Variants in PLXNA1 observed in about 807,000 individuals in gnomAD.
PLXNA1 encodes the protein plexin-A1.
In PLXNA1, 77 loss-of-function variants were observed where a neutral mutation model predicts 191.7. The observed-to-expected ratio is 0.40, with a 90% CI of 0.33 to 0.49. The LOEUF (loss-of-function observed/expected upper bound fraction) is 0.49, where lower values mean the gene tolerates loss of function less well. Ranked by LOEUF, PLXNA1 falls within the 20% of genes least tolerant of loss-of-function variation. The pLI is 0.63. For missense variants in PLXNA1, 2,110 were observed against 2,660.2 expected (o/e 0.79, Z 4.55); for synonymous variants, 1,137 against 1,156.4 (o/e 0.98, Z 0.34).
chr3:127,005,099 C>A lies in PLXNA1; in HGVS notation c.1753C>A (p.Gln585Lys), dbSNP rs2079059575. 6.2e-7 allele frequency: 1 copy of A among 1,612,542 alleles called. No homozygotes were observed. The change falls in exon 7 of 32, where the codon CAG (glutamine) becomes AAG (lysine). Residue 585 changes from glutamine to lysine, a missense_variant. Transcript: ENST00000393409. ...CCTGCTGCCTGCCCAGCTTGTGCTG[C>A]AGGCCTGGAACGTGCCTGACCTCTC... The part of the protein sequence containing the change: ...VTMSQVPLVL[Q>K]AWNVPDLSAG...
chr3:127,020,438 G>C, intron 21 of PLXNA1, 94 bp downstream of exon 21: 1 of 1,464,270 alleles, frequency 6.8e-7, no homozygotes. Context: ...ATGGTATGGG[G>C]CAGCCTGTGT....
In PLXNA1 at chr3:127,028,359, G is replaced by A. The variant is rs573158849; in HGVS notation, c.4669+19G>A. ...GACCTGGGTGAGCGGGCGGGGCCACGGCTGCCCGGGGTGTGTGCTGGAGCA... is the reference window on the plus strand; with the variant it reads ...GACCTGGGTGAGCGGGCGGGGCCACAGCTGCCCGGGGTGTGTGCTGGAGCA... On this transcript the variant is annotated intron_variant, in intron 25 of 31. Coordinates refer to ENST00000393409, the MANE Select transcript of PLXNA1 (RefSeq NM_032242.4). 2.2e-4 allele frequency: 348 copies of A among 1,601,940 alleles called. 7 individuals are homozygous for A. In the South Asian group the frequency reaches 2.4e-3, roughly 11 times the overall value.
chr3:126,986,785 G>T (rs1416030906), intron 1 of PLXNA1, among the ~76,000 whole-genome samples: 1 of 152,190 alleles, frequency 6.6e-6, no homozygotes, highest in Admixed American at 6.5e-5. Context: ...ACAGAGGCCT[G>T]GGGGAGGGGC....
At chr3:126,985,214 G>A (rs1477115744) in intron 1 of PLXNA1, among the ~76,000 whole-genome samples, 1 of 152,096 alleles carries the variant, frequency 6.6e-6, no homozygotes, top group Non-Finnish European at 1.5e-5. Flanking sequence ...AAGGGAAGGG[G>A]ACACTGTTGG....
intron 23 of PLXNA1, among the ~76,000 whole-genome samples, chr3:127,024,318 C>A (rs911279631): frequency 1.4e-4 from 22 of 152,186 alleles, no homozygotes; most frequent in Non-Finnish European, 2.8e-4. Flanking sequence ...AGTGTGGCCC[C>A]ACAGGGTATT....
chr3:126,986,473 C>T lies in PLXNA1; in HGVS notation c.-73-2048C>T, dbSNP rs2078959651. 2.0e-5 allele frequency among the ~76,000 whole-genome samples: 3 copies of T among 152,196 alleles called. 1 individual carries two copies. The highest frequency in any genetic ancestry group is 4.4e-5 in the Non-Finnish European group (3 of 68,038). On this transcript the variant is annotated intron_variant, in intron 1 of 31. Transcript: ENST00000393409. ...GGGTGTGTGCTGTGCACACACTGGG[C>T]AGGGAGTGTGTGGGGAGTGAAACAG... is the stretch of plus-strand genomic sequence containing the variant.
intron 26 of PLXNA1, 118 bp from the exon 27 acceptor site, chr3:127,029,322 G>T: frequency 1.0e-6 from 1 of 963,556 alleles, no homozygotes; most frequent in South Asian, 1.4e-5. Context: ...GACTGAGTGA[G>T]GTGGCTGCCT....
Position 127,033,779 on chromosome 3 carries a change from G to A in PLXNA1, c.5596-143G>A, listed in dbSNP as rs145282616. 6,075 of 654,846 alleles carry A rather than the reference G, an allele frequency of 9.3e-3. 50 individuals are homozygous for A. Among genetic ancestry groups the A allele is most frequent in the Non-Finnish European group, 0.011 (4,193 of 371,810 alleles). 40.6% of individuals were successfully genotyped at this position (654,846 alleles called of 1,614,324 possible). A position where few individuals can be genotyped will look rare whatever the true frequency, so the allele number is the denominator to read the frequency against. On this transcript the variant is annotated intron_variant, in intron 31 of 31. Coordinates refer to ENST00000393409, the MANE Select transcript of PLXNA1 (RefSeq NM_032242.4). The stretch of plus-strand genomic sequence containing the variant: ...ATTCTCCATATTGGGGTCCTGGAGG[G>A]TCCAGGCTCACAACCAAGGTCCTTT...
At chr3:127,029,764 A>C in intron 27 of PLXNA1, 110 bp from the exon 28 acceptor site, 1 of 1,338,466 alleles carries the variant, frequency 7.5e-7, no homozygotes, top group African/African-American at 1.5e-5. Context: ...GGCTGCCCCA[A>C]AATCCCACAT....
intron 8 of PLXNA1, among the ~76,000 whole-genome samples, 158 bp downstream of exon 8, chr3:127,006,336 A>G (rs984065105): frequency 6.6e-6 from 1 of 152,094 alleles, no homozygotes. Context: ...CTGGGCGGTC[A>G]GGGAGGGAGG....
rs1229380968 is a variant in PLXNA1, at chr3:127,030,356, G to A, written c.5175G>A (p.Gln1725=). The change falls in exon 29 of 32, where the codon CAG becomes CAA. Residue 1725 remains glutamine (Q), a synonymous_variant. Transcript: ENST00000393409. ...IKYMFDFLDE[Q]ADKHQIHDAD... ...ACATGTTCGACTTCCTGGATGAGCA[G>A]GCCGACAAGCACCAGATCCACGATG... 1 of 1,614,054 alleles carries A rather than the reference G, an allele frequency of 6.2e-7. No individual in the cohort carries two copies. Among genetic ancestry groups the A allele is most frequent in the Non-Finnish European group, 8.5e-7 (1 of 1,180,018 alleles).
chr3:127,009,888 C>T (rs1315585613), intron 9 of PLXNA1, among the ~76,000 whole-genome samples: 2 of 152,244 alleles, frequency 1.3e-5, no homozygotes, highest in African/African-American at 4.8e-5. Context: ...CGAAGCTGAG[C>T]TCATGAGACA....
intron 15 of PLXNA1, among the ~76,000 whole-genome samples, chr3:127,015,698 T>A (rs1013569743): frequency 6.6e-6 from 1 of 152,228 alleles, no homozygotes; most frequent in Admixed American, 6.5e-5. Context: ...GGGATGATAA[T>A]GGAATGTCCC....
intron 1 of PLXNA1, among the ~76,000 whole-genome samples, chr3:126,986,039 G>A (rs1030219002): frequency 6.6e-6 from 1 of 152,234 alleles, no homozygotes; most frequent in Non-Finnish European, 1.5e-5. Flanking sequence ...CTGGAGTTTG[G>A]ATGGTGGCTT....
intron 21 of PLXNA1, among the ~76,000 whole-genome samples, chr3:127,021,451 A>AAG (rs144710535): frequency 2.6e-5 from 4 of 152,102 alleles, no homozygotes; most frequent in South Asian, 2.1e-4. Flanking sequence ...TAGTATGAAC[A>AAG]AGAGAGAGAG....
chr3:127,004,381 C>T (rs753801021), intron 4 of PLXNA1, among the ~76,000 whole-genome samples: 4 of 152,210 alleles, frequency 2.6e-5, no homozygotes, highest in Admixed American at 2.6e-4. Flanking sequence ...TTGTCTCACC[C>T]CATATGGACT....
intron 8 of PLXNA1, among the ~76,000 whole-genome samples, chr3:127,006,379 G>C (rs915172906): frequency 6.6e-6 from 1 of 152,198 alleles, no homozygotes; most frequent in African/African-American, 2.4e-5. Context: ...TGCAGGTAGA[G>C]GAGCCAGCCA....
intron 12 of PLXNA1, 36 bp from the exon 13 acceptor site, chr3:127,014,442 G>C (rs375245549): frequency 6.3e-7 from 1 of 1,592,188 alleles, no homozygotes; most frequent in East Asian, 2.2e-5. Context: ...CCTACGCCCT[G>C]TGGGATGCCT....
At chr3:127,006,207 C>T in intron 8 of PLXNA1, 29 bp downstream of exon 8, 1 of 1,554,972 alleles carries the variant, frequency 6.4e-7, no homozygotes, top group Non-Finnish European at 8.9e-7. Flanking sequence ...CTCCGCCCGC[C>T]TGGGCCTGGG....
Sources: allele counts gnomAD v4.1 joint callset (sites outside exome capture counted in the v4.1 genomes callset), GRCh38; gene constraint gnomAD v4.1.1; transcripts MANE v1.5; gene names NCBI Gene and HGNC (gene_info 2026-07-23, HGNC 2026-07-21).